Variants in CSMD3 observed in about 807,000 individuals in gnomAD.
CSMD3 encodes CUB and sushi domain-containing protein 3.
CSMD3 carries 177 observed loss-of-function variants against 435.2 expected under a neutral mutation model. The observed-to-expected ratio is 0.41, with a 90% CI of 0.36 to 0.46. The LOEUF (loss-of-function observed/expected upper bound fraction) is 0.46. Ranked by LOEUF, CSMD3 falls within the 20% of genes least tolerant of loss-of-function variation. The probability of loss-of-function intolerance (pLI) is 0.34; values close to 1 mark genes in which losing one functional copy is unlikely to be tolerated. For missense variants in CSMD3, 4,265 were observed against 4,504.6 expected (o/e 0.95, Z 1.52); for synonymous variants, 1,656 against 1,520.5 (o/e 1.09, Z -2.07).
intron 65 of CSMD3, among the ~76,000 whole-genome samples, chr8:112,244,084 A>G (rs1164813018): frequency 6.6e-6 from 1 of 152,160 alleles, no homozygotes; most frequent in African/African-American, 2.4e-5. Flanking sequence ...ATAAATTCCT[A>G]TTATGTTAAG....
chr8:112,401,854 C>T (rs944001709), intron 35 of CSMD3, among the ~76,000 whole-genome samples: 4 of 152,052 alleles, frequency 2.6e-5, no homozygotes, highest in Non-Finnish European at 5.9e-5. Context: ...CAGCCTTTTC[C>T]AAAATGCAAA....
intron 32 of CSMD3, among the ~76,000 whole-genome samples, chr8:112,472,183 T>C (rs1167665821): frequency 2.6e-5 from 4 of 152,186 alleles, no homozygotes; most frequent in East Asian, 3.9e-4. Context: ...AACTATAAAA[T>C]TGATATGATT....
intron 4 of CSMD3, among the ~76,000 whole-genome samples, chr8:113,099,591 T>C (rs538580893): frequency 3.3e-5 from 5 of 152,248 alleles, no homozygotes; most frequent in East Asian, 3.9e-4. Context: ...ATGTATCTTT[T>C]ACTAAATAGT....
intron 22 of CSMD3, among the ~76,000 whole-genome samples, chr8:112,593,408 G>A (rs1023528759): frequency 1.2e-4 from 19 of 152,170 alleles, no homozygotes; most frequent in Non-Finnish European, 2.5e-4. Flanking sequence ...TTGGAGACAA[G>A]TTCGATGTGG....
chr8:113,302,460 G>A (rs1198894491), intron 2 of CSMD3, among the ~76,000 whole-genome samples: 2 of 150,424 alleles, frequency 1.3e-5, no homozygotes. Context: ...CCTTCCTTCA[G>A]AATATCAAAT....
intron 19 of CSMD3, among the ~76,000 whole-genome samples, chr8:112,647,322 A>G (rs556329341): frequency 7.3e-6 from 1 of 136,590 alleles, no homozygotes; most frequent in South Asian, 2.3e-4. Flanking sequence ...TTTTTTTGAG[A>G]TGGAATCTCG....
chr8:113,215,096 A>G (rs1478924959), intron 3 of CSMD3, among the ~76,000 whole-genome samples: 1 of 151,916 alleles, frequency 6.6e-6, no homozygotes, highest in Non-Finnish European at 1.5e-5. Flanking sequence ...TCGTAATAAA[A>G]TATCATTTTT....
At chr8:112,905,610 C>T (rs1023806519) in intron 10 of CSMD3, among the ~76,000 whole-genome samples, 2 of 151,332 alleles carry the variant, frequency 1.3e-5, no homozygotes, top group East Asian at 2.0e-4. Flanking sequence ...GCAATGCTTA[C>T]CATCAATTAT....
intron 10 of CSMD3, among the ~76,000 whole-genome samples, chr8:112,870,269 GC>G (rs535376034): frequency 6.8e-6 from 1 of 147,988 alleles, no homozygotes; most frequent in South Asian, 2.1e-4. Context: ...AGTCAGAATG[GC>G]TATTTTTTTT....
In CSMD3 at chr8:113,052,421, T is replaced by A. The variant is rs573903011; in HGVS notation, c.918-33242A>T. Among the ~76,000 whole-genome samples, 25 of 152,296 alleles carry A rather than the reference T, an allele frequency of 1.6e-4. 2 individuals are homozygous for A. Among genetic ancestry groups the A allele is most frequent in the Admixed American group, 1.2e-3 (19 of 15,292 alleles). On this transcript the variant is annotated intron_variant, in intron 5 of 70. Coordinates refer to ENST00000297405, the MANE Select transcript of CSMD3 (RefSeq NM_198123.2). ...CAACGGGATTTGAATTCAATTTTTT[T>A]AAAAAGCAATTCTGCAAATATGCTT...
intron 1 of CSMD3, among the ~76,000 whole-genome samples, chr8:113,364,458 A>G (rs1655495399): frequency 6.6e-6 from 1 of 152,124 alleles, no homozygotes; most frequent in Admixed American, 6.6e-5. Context: ...TAGCCTAAAA[A>G]TATTTTACTA....
intron 11 of CSMD3, among the ~76,000 whole-genome samples, chr8:112,838,869 T>C (rs1243600852): frequency 6.6e-6 from 1 of 151,748 alleles, no homozygotes; most frequent in Non-Finnish European, 1.5e-5. Context: ...GGTAAACTTA[T>C]ATGAAATTTA....
intron 1 of CSMD3, among the ~76,000 whole-genome samples, chr8:113,327,453 A>G (rs1021419565): frequency 2.6e-5 from 4 of 152,228 alleles, no homozygotes; most frequent in African/African-American, 9.6e-5. Context: ...TTCAAGAAAA[A>G]CTGCTGAACC....
At chr8:113,284,702 T>C (rs2093633905) in intron 2 of CSMD3, among the ~76,000 whole-genome samples, 1 of 152,226 alleles carries the variant, frequency 6.6e-6, no homozygotes, top group South Asian at 2.1e-4. Flanking sequence ...TTTAAAAGCA[T>C]ACTATTTTAT....
chr8:112,497,480 A>AATATAT (rs34936636), intron 30 of CSMD3, among the ~76,000 whole-genome samples: 3 of 144,680 alleles, frequency 2.1e-5, no homozygotes, highest in East Asian at 2.0e-4. Flanking sequence ...GTACTCCATA[A>AATATAT]ATATATATAT....
chr8:113,256,039 A>G (rs2132327226), intron 3 of CSMD3, among the ~76,000 whole-genome samples: 1 of 152,194 alleles, frequency 6.6e-6, no homozygotes, highest in East Asian at 1.9e-4. Flanking sequence ...CAGAAGATGC[A>G]TTTACTCAAA....
chr8:112,450,224 G>A (rs1284549996), intron 32 of CSMD3, among the ~76,000 whole-genome samples: 2 of 152,148 alleles, frequency 1.3e-5, no homozygotes, highest in African/African-American at 4.8e-5. Flanking sequence ...CTTGAGATTG[G>A]AAGTCAGATT....
intron 13 of CSMD3, among the ~76,000 whole-genome samples, chr8:112,753,008 C>T (rs1028379482): frequency 2.6e-5 from 4 of 151,556 alleles, no homozygotes; most frequent in African/African-American, 9.7e-5. Context: ...TCACTGTAAC[C>T]TTGAACTTCT....
intron 45 of CSMD3, among the ~76,000 whole-genome samples, chr8:112,332,198 A>G (rs1445185189): frequency 1.3e-5 from 2 of 152,218 alleles, no homozygotes; most frequent in Non-Finnish European, 2.9e-5. Context: ...TAAGGCTTAT[A>G]AAATAATACA....
Sources: gnomAD v4.1 joint callset for allele counts (sites outside exome capture counted in the v4.1 genomes callset) on GRCh38, gnomAD v4.1.1 for gene constraint, MANE v1.5 for transcripts, NCBI Gene and HGNC (gene_info 2026-07-23, HGNC 2026-07-21) for gene names.